The following SLC27A1 variants were observed in gnomAD, a reference collection of about 807,000 sequenced individuals.
SLC27A1 encodes solute carrier family 27 member 1.
Under a neutral mutation model 62.2 loss-of-function variants are expected in SLC27A1, and 61 were observed. That is an observed-to-expected ratio of 0.98 (90% CI 0.80 to 1.21). The LOEUF (loss-of-function observed/expected upper bound fraction) is 1.21, where lower values mean the gene tolerates loss of function less well. Ranked by LOEUF, SLC27A1 falls within the 50% of genes most tolerant of loss-of-function variation. The probability of loss-of-function intolerance (pLI) is 0.00; values close to 1 mark genes in which losing one functional copy is unlikely to be tolerated. For missense variants in SLC27A1, 903 were observed against 932.1 expected (o/e 0.97, Z 0.41); for synonymous variants, 435 against 408.6 (o/e 1.06, Z -0.78).
intron 1 of SLC27A1, among the ~76,000 whole-genome samples, chr19:17,482,677 G>T (rs543306039): frequency 9.3e-5 from 14 of 150,392 alleles, no homozygotes; most frequent in East Asian, 1.9e-4. Flanking sequence ...AAAAAAAAGG[G>T]TGGGGAGAGA....
At chr19:17,504,275 G>A (rs1239926520) in intron 11 of SLC27A1, among the ~76,000 whole-genome samples, 180 bp from the exon 12 acceptor site, 2 of 152,164 alleles carry the variant, frequency 1.3e-5, no homozygotes, top group East Asian at 1.9e-4. Context: ...CTCACTGGAG[G>A]AGGGGGCATG....
chr19:17,501,168 G>A (rs985773531), intron 10 of SLC27A1, 105 bp from the exon 11 acceptor site: 6 of 1,464,752 alleles, frequency 4.1e-6, no homozygotes, highest in Non-Finnish European at 5.5e-6. Flanking sequence ...CAGGTTGGGA[G>A]AGACTGGAGA....
chr19:17,477,240 C>CTTGTTTTTTTTTTTT (rs2075132323), intron 1 of SLC27A1, among the ~76,000 whole-genome samples: 3 of 43,808 alleles, frequency 6.8e-5, no homozygotes, highest in Non-Finnish European at 1.2e-4. Context: ...ATGAGCAGCG[C>CTTGTTTTTTTTTTTT]TTTTTTTTTT....
intron 4 of SLC27A1, 68 bp downstream of exon 4, chr19:17,487,597 C>T: frequency 2.7e-6 from 4 of 1,485,750 alleles, no homozygotes; most frequent in Non-Finnish European, 3.7e-6. Context: ...CCAGCCTGAC[C>T]TGCCCCTCAG....
chr19:17,487,626 T>C, intron 4 of SLC27A1, 97 bp downstream of exon 4: 1 of 1,236,624 alleles, frequency 8.1e-7, no homozygotes, highest in Non-Finnish European at 1.1e-6. Context: ...GGCATCTCCA[T>C]GTTACCCTGG....
intron 1 of SLC27A1, among the ~76,000 whole-genome samples, chr19:17,472,326 C>T (rs1169454055): frequency 6.7e-6 from 1 of 148,682 alleles, no homozygotes; most frequent in African/African-American, 2.5e-5. Flanking sequence ...ACCCCGGAGG[C>T]GGAGCTTGCA....
At chr19:17,482,150 C>T (rs1175775809) in intron 1 of SLC27A1, among the ~76,000 whole-genome samples, 4 of 152,160 alleles carry the variant, frequency 2.6e-5, no homozygotes, top group Non-Finnish European at 2.9e-5. Context: ...AGATGCATGC[C>T]CTGTCTACCC....
chr19:17,477,960 T>A (rs549477687), intron 1 of SLC27A1, among the ~76,000 whole-genome samples: 140 of 151,994 alleles, frequency 9.2e-4, no homozygotes, highest in Non-Finnish European at 1.6e-3. Flanking sequence ...ATAGTCCCCC[T>A]GTCTTGGCCT....
Position 17,486,999 on chromosome 19 carries a change from C to A in SLC27A1, c.562+42C>A. On this transcript the variant is annotated intron_variant, in intron 2 of 11. Coordinates refer to ENST00000252595, the MANE Select transcript of SLC27A1 (RefSeq NM_198580.3). This position sits in a 1 kb window ranked among gnomAD's most constrained non-coding sequence, Gnocchi z 6.6. ...GCATCAGGTGGGCGGGGACCCAGGACTGGCCCCTGGGCGGGCGGGGAGATG... is the reference window on the plus strand; with the variant it reads ...GCATCAGGTGGGCGGGGACCCAGGAATGGCCCCTGGGCGGGCGGGGAGATG... 2 of 1,542,668 alleles carry A rather than the reference C, an allele frequency of 1.3e-6. No homozygotes were observed. The highest frequency in any genetic ancestry group is 1.9e-5 in the Admixed American group (1 of 53,434).
At chr19:17,500,200 G>C (rs1424379263) in intron 7 of SLC27A1, 78 bp from the exon 8 acceptor site, 1 of 1,566,980 alleles carries the variant, frequency 6.4e-7, no homozygotes, top group Non-Finnish European at 8.7e-7. Context: ...CCAAGCCCCA[G>C]GGCAAGGCAG....
At chr19:17,504,323 C>T (rs2075451191) in intron 11 of SLC27A1, 132 bp from the exon 12 acceptor site, 2 of 1,177,374 alleles carry the variant, frequency 1.7e-6, no homozygotes, top group Non-Finnish European at 2.4e-6. Flanking sequence ...ATCAGGCAGG[C>T]AAAATGGGGA....
chr19:17,489,118 G>T lies in SLC27A1; in HGVS notation c.996+1G>T. 3 of 1,613,704 alleles carry T rather than the reference G, an allele frequency of 1.9e-6. No homozygotes were observed. Among genetic ancestry groups the T allele is most frequent in the Non-Finnish European group, 2.5e-6 (3 of 1,179,792 alleles). On this transcript the variant is annotated splice_donor_variant, in intron 6 of 11. Coordinates refer to ENST00000252595, the MANE Select transcript of SLC27A1 (RefSeq NM_198580.3). LOFTEE classifies it high-confidence loss of function. ...CGACTGCATCAAGTACAACTGCACG[G>T]TCAGGCCCTGCCCTGTTCTGTCTAG...
At chr19:17,471,933 TCCC>T (rs956572335) in intron 1 of SLC27A1, among the ~76,000 whole-genome samples, 29 of 152,096 alleles carry the variant, frequency 1.9e-4, no homozygotes, top group Admixed American at 1.1e-3. Context: ...CACCTGCCAC[TCCC>T]CCCATCCATA....
intron 1 of SLC27A1, among the ~76,000 whole-genome samples, chr19:17,483,684 C>A (rs2075201807): frequency 6.6e-6 from 1 of 152,092 alleles, no homozygotes; most frequent in South Asian, 2.1e-4. Context: ...CCTCCTGGGG[C>A]CCATGAGCCT....
At chr19:17,485,399 A>G (rs561282492) in intron 1 of SLC27A1, among the ~76,000 whole-genome samples, 1 of 151,482 alleles carries the variant, frequency 6.6e-6, no homozygotes, top group East Asian at 2.0e-4. Flanking sequence ...CGTGTTAGCC[A>G]GGATGGTCTC....
rs778836837 is a variant in SLC27A1, at chr19:17,486,627, A to G, written c.232A>G (p.Ile78Val). The change falls in exon 2 of 12, where the codon ATC (isoleucine) becomes GTC (valine). Residue 78 changes from isoleucine to valine, a missense_variant. Physicochemically the swap from Ile to Val is conservative, Grantham distance 29 (BLOSUM62 3). Coordinates refer to ENST00000252595, the MANE Select transcript of SLC27A1 (RefSeq NM_198580.3). This position sits in a 1 kb window ranked among gnomAD's most constrained non-coding sequence, Gnocchi z 6.6. ...GCGGCACCAGCGTGCCGGCCACACC[A>G]TCCCGCGCATCTTTCAGGCGGTAGT... Reference protein sequence around the residue: ...LRRHQRAGHTIPRIFQAVVQR... With the variant: ...LRRHQRAGHTVPRIFQAVVQR... 11 of 1,600,604 alleles carry G rather than the reference A, an allele frequency of 6.9e-6. No individual in the cohort carries two copies. The South Asian group carries it at 1.1e-4, about 16-fold the overall frequency.
rs1354081506 is a variant in SLC27A1, at chr19:17,505,604, CACT to C, written c.*993_*995del. On this transcript the variant is annotated 3_prime_UTR_variant, in exon 12 of 12. Coordinates refer to ENST00000252595, the MANE Select transcript of SLC27A1 (RefSeq NM_198580.3). The stretch of plus-strand genomic sequence containing the variant: ...TTGACTGTGACCACTTGGATGTCAC[CACT>C]GTCAGCCCCTGCCTTGATGTCCCCA... 6 of 153,110 alleles carry C rather than the reference CACT, an allele frequency of 3.9e-5. No individual in the cohort carries two copies. The highest frequency in any genetic ancestry group is 7.3e-5 in the Non-Finnish European group (5 of 68,712). 9.5% of individuals were successfully genotyped at this position (153,110 alleles called of 1,614,324 possible). A position where few individuals can be genotyped will look rare whatever the true frequency, so the allele number is the denominator to read the frequency against.
chr19:17,495,133 T>G (rs1167176720), intron 6 of SLC27A1, among the ~76,000 whole-genome samples: 2 of 151,170 alleles, frequency 1.3e-5, no homozygotes, highest in East Asian at 3.9e-4. Flanking sequence ...CCACCAGGTC[T>G]GGCAAAATTT....
intron 1 of SLC27A1, among the ~76,000 whole-genome samples, chr19:17,475,255 T>G (rs892569490): frequency 1.3e-5 from 2 of 152,152 alleles, no homozygotes; most frequent in Non-Finnish European, 2.9e-5. Context: ...TCAGAATTGA[T>G]GGAGGCTGGG....
Sources: gnomAD v4.1 joint callset for allele counts (sites outside exome capture counted in the v4.1 genomes callset) on GRCh38, gnomAD v4.1.1 for gene constraint, Gnocchi (gnomAD v3.1) non-coding constraint, MANE v1.5 for transcripts, NCBI Gene and HGNC (gene_info 2026-07-23, HGNC 2026-07-21) for gene names.